NUP153: variants seen among roughly 807,000 people sequenced by gnomAD.
NUP153 encodes nucleoporin 153.
Under a neutral mutation model 134.6 loss-of-function variants are expected in NUP153, and 27 were observed. That is an observed-to-expected ratio of 0.20 (90% CI 0.15 to 0.28). NUP153 has a LOEUF of 0.28. Ranked by LOEUF, NUP153 falls within the 10% of genes least tolerant of loss-of-function variation. The probability of loss-of-function intolerance (pLI) is 1.00; values close to 1 mark genes in which losing one functional copy is unlikely to be tolerated. For synonymous variants in NUP153, 640 were observed against 623.5 expected (o/e 1.03, Z -0.40); for missense variants, 1,821 against 1,731.3 (o/e 1.05, Z -0.92).
rs1416456399 is a variant in NUP153 at position 17,628,868 on chromosome 6, C to T, written c.3331G>A (p.Val1111Ile). 2.5e-6 allele frequency: 4 copies of T among 1,614,080 alleles called. No individual in the cohort carries two copies. The highest frequency in any genetic ancestry group is 3.4e-6 in the Non-Finnish European group (4 of 1,180,030). Residue 1111 changes from valine (V) to isoleucine (I), a missense_variant, in exon 18 of 22, where the codon GTC becomes ATC. Physicochemically the swap from Val to Ile is conservative, Grantham distance 29. Transcript: ENST00000262077. This position sits in a 1 kb window ranked among gnomAD's most constrained non-coding sequence, Gnocchi z 5.4. ...CCAAAAACTAGGGAAGTAGAAGTGA[C>T]AGGCTCTTGCTGTTTCTCTTCTGTC... ...GRTEEKQQEP[V>I]TSTSLVFGKK... is the part of the protein sequence containing the mutation.
At chr6:17,694,712 C>T (rs1350916865) in intron 1 of NUP153, among the ~76,000 whole-genome samples, 1 of 151,768 alleles carries the variant, frequency 6.6e-6, no homozygotes, top group Non-Finnish European at 1.5e-5. Context: ...GCCACGGTGG[C>T]TTACTCCTAT....
Position 17,645,322 on chromosome 6 carries a change from T to G in NUP153, c.1720+745A>C, listed in dbSNP as rs186288887. Among the ~76,000 whole-genome samples the G allele has an allele frequency of 2.2e-4, 34 of 151,644 alleles. No homozygotes were observed. In the East Asian group the frequency reaches 4.9e-3, roughly 22 times the overall value. The stretch of plus-strand genomic sequence containing the variant: ...TTCTTTCTTTTTTTTTGAGATAGGG[T>G]CTTGCTCTGTCAGCCAGCTGTAGTG... On this transcript the variant is annotated intron_variant, in intron 14 of 21. Transcript: ENST00000262077.
At chr6:17,644,161 A>G (rs1250625245) in intron 14 of NUP153, among the ~76,000 whole-genome samples, 2 of 152,296 alleles carry the variant, frequency 1.3e-5, no homozygotes, top group African/African-American at 2.4e-5. Context: ...ATATTTCTTT[A>G]GCTTCTATGT....
chr6:17,694,435 G>C (rs1769499941), intron 1 of NUP153, among the ~76,000 whole-genome samples: 1 of 152,138 alleles, frequency 6.6e-6, no homozygotes, highest in South Asian at 2.1e-4. Context: ...GACGCGGGCG[G>C]ATTACCTGAG....
At chr6:17,688,727 T>C (rs1321648734) in intron 1 of NUP153, 109 bp from the exon 2 acceptor site, 2 of 772,556 alleles carry the variant, frequency 2.6e-6, no homozygotes, top group Non-Finnish European at 4.2e-6. Context: ...GTCCAACAAG[T>C]TTGCCAAAAT....
At chr6:17,704,554 T>C (rs903942083) in intron 1 of NUP153, among the ~76,000 whole-genome samples, 3 of 152,132 alleles carry the variant, frequency 2.0e-5, no homozygotes, top group African/African-American at 7.2e-5. Context: ...AATACCCCTT[T>C]TCTTCACAAA....
chr6:17,617,123 G>A (rs1181073818), intron 20 of NUP153, among the ~76,000 whole-genome samples: 2 of 152,148 alleles, frequency 1.3e-5, no homozygotes, highest in African/African-American at 4.8e-5. Context: ...AAATATTCTG[G>A]TCTTTTAATC....
intron 1 of NUP153, among the ~76,000 whole-genome samples, chr6:17,703,059 G>A (rs149181085): frequency 2.3e-5 from 3 of 129,098 alleles, no homozygotes; most frequent in Admixed American, 1.6e-4. Context: ...TTAGCCGGGC[G>A]TGGTGGCGCA....
At chr6:17,657,311 C>T (rs967481997) in intron 11 of NUP153, among the ~76,000 whole-genome samples, 2 of 150,900 alleles carry the variant, frequency 1.3e-5, no homozygotes, top group African/African-American at 2.4e-5. Flanking sequence ...GGAAGCAAGG[C>T]GGGTGGGGAT....
Position 17,669,500 on chromosome 6 carries a change from G to C in NUP153, c.899C>G (p.Ser300Cys), listed in dbSNP as rs1300956274. 6.2e-7 allele frequency: 1 copy of C among 1,614,066 alleles called. No individual in the cohort carries two copies. Among genetic ancestry groups the C allele is most frequent in the South Asian group, 1.1e-5 (1 of 91,084 alleles). The change falls in exon 6 of 22, where the codon TCT (serine) becomes TGT (cysteine). Residue 300 changes from serine (S) to cysteine (C), a missense_variant. Physicochemically the swap from Ser to Cys is moderately radical, Grantham distance 112. Transcript: ENST00000262077. The part of the protein sequence containing the change: ...QMKAKQLSAQ[S>C]YGVTSSTARR... ...AGCTGTTGAACTGGTCACACCGTAA[G>C]ATTGTGCACTGAGTTGCTTAGCTTT... is the stretch of plus-strand genomic sequence containing the variant.
chr6:17,666,944 A>G (rs922939493), intron 8 of NUP153, among the ~76,000 whole-genome samples: 4 of 152,202 alleles, frequency 2.6e-5, no homozygotes, highest in African/African-American at 4.8e-5. Flanking sequence ...ATACAACTCA[A>G]TAAGAGAGTC....
At position 17,625,333 on chromosome 6, in the gene NUP153, G is replaced by A. The variant is rs1436396288; in HGVS notation, c.3901+475C>T. On this transcript the variant is annotated intron_variant, in intron 19 of 21. Coordinates refer to ENST00000262077, the MANE Select transcript of NUP153 (RefSeq NM_005124.4). This position sits in a 1 kb window ranked among gnomAD's most constrained non-coding sequence, Gnocchi z 4.7. ...GGGCAAATCATGAGGTCAGGAATTC[G>A]AGCCTGGCCAACATGGTAAAACCCC... Among the ~76,000 whole-genome samples, 3 of 151,952 alleles carry A rather than the reference G, an allele frequency of 2.0e-5. No individual in the cohort carries two copies. Among genetic ancestry groups the A allele is most frequent in the Non-Finnish European group, 2.9e-5 (2 of 67,986 alleles).
chr6:17,706,049 G>A lies in NUP153; in HGVS notation c.111+228C>T, dbSNP rs763152117. Among the ~76,000 whole-genome samples the A allele has an allele frequency of 6.6e-6, 1 of 152,210 alleles. No homozygotes were observed. The highest frequency in any genetic ancestry group is 1.5e-5 in the Non-Finnish European group (1 of 68,038). On this transcript the variant is annotated intron_variant, in intron 1 of 21. Transcript: ENST00000262077. This position sits in a 1 kb window ranked among gnomAD's most constrained non-coding sequence, Gnocchi z 5.9. ...CCTGGGAAAGCCCCTGACCCAGAGAGTTGGGGGAAAGGCGGCCCAAACCAC... is the reference window on the plus strand; with the variant it reads ...CCTGGGAAAGCCCCTGACCCAGAGAATTGGGGGAAAGGCGGCCCAAACCAC...
intron 2 of NUP153, among the ~76,000 whole-genome samples, chr6:17,679,987 C>T (rs751950514): frequency 6.6e-5 from 10 of 152,132 alleles, no homozygotes; most frequent in African/African-American, 1.2e-4. Context: ...TGCTGCCTTG[C>T]GTACCCTACC....
chr6:17,665,047 C>T (rs868633945), intron 9 of NUP153, among the ~76,000 whole-genome samples, 192 bp downstream of exon 9: 6 of 338 alleles, frequency 0.018, no homozygotes, highest in East Asian at 0.17. Flanking sequence ...AGTGAGACTC[C>T]GTCTCAAAAA....
chr6:17,637,785 G>T lies in NUP153; in HGVS notation c.1847-15C>A. 6.3e-7 allele frequency: 1 copy of T among 1,581,808 alleles called. No individual in the cohort carries two copies. ...CGATGCGAAACCTACAATGAACGAA[G>T]GAGAGAGTGCAACGTTAGAGAAGCT... On this transcript the variant is annotated splice_polypyrimidine_tract_variant and intron_variant, in intron 15 of 21. Coordinates refer to ENST00000262077, the MANE Select transcript of NUP153 (RefSeq NM_005124.4).
chr6:17,671,805 C>T (rs184035380), intron 5 of NUP153, among the ~76,000 whole-genome samples: 1 of 152,142 alleles, frequency 6.6e-6, no homozygotes, highest in East Asian at 1.9e-4. Flanking sequence ...GTCAGGAGTT[C>T]GAGACCAGCC....
chr6:17,669,686 G>T, intron 5 of NUP153, 140 bp from the exon 6 acceptor site: 1 of 631,024 alleles, frequency 1.6e-6, no homozygotes, highest in Non-Finnish European at 2.8e-6. Flanking sequence ...ATCTTTGGGT[G>T]GTATCATTAA....
chr6:17,629,519 A>T lies in NUP153; in HGVS notation c.2680T>A (p.Ser894Thr). The T allele has an allele frequency of 6.3e-7, 1 of 1,597,006 alleles. No individual in the cohort carries two copies. Among genetic ancestry groups the T allele is most frequent in the Non-Finnish European group, 8.5e-7 (1 of 1,175,388 alleles). ...GATGAGGAGGCTGCTGAGTTCGAAG[A>T]TGAGGAAGATGTGTCAAAGCCTACA... ...GFKGFDTSSS[S>T]SNSAASSSFK... is the part of the protein sequence containing the mutation. Residue 894 changes from serine to threonine, a missense_variant, in exon 18 of 22, where the codon TCT (serine) becomes ACT (threonine). Physicochemically the swap from Ser to Thr is moderately conservative, Grantham distance 58 (BLOSUM62 1). Coordinates refer to ENST00000262077, the MANE Select transcript of NUP153 (RefSeq NM_005124.4).
Sources: gnomAD v4.1 joint callset for allele counts (sites outside exome capture counted in the v4.1 genomes callset) on GRCh38, gnomAD v4.1.1 for gene constraint, Gnocchi (gnomAD v3.1) non-coding constraint, MANE v1.5 for transcripts, NCBI Gene and HGNC (gene_info 2026-07-23, HGNC 2026-07-21) for gene names.